Variants in TINAGL1 observed in about 807,000 individuals in gnomAD.
TINAGL1 encodes the protein tubulointerstitial nephritis antigen like 1.
Under a neutral mutation model 62.0 loss-of-function variants are expected in TINAGL1, and 34 were observed. That is an observed-to-expected ratio of 0.55 (90% confidence interval 0.42 to 0.73). The LOEUF (loss-of-function observed/expected upper bound fraction) is 0.73. Among genes scored for constraint, TINAGL1 ranks in the 30% least tolerant of loss-of-function variants. The pLI, the probability that TINAGL1 is intolerant of heterozygous loss-of-function variation, is 0.00. For missense variants in TINAGL1, 516 were observed against 653.2 expected (o/e 0.79, Z 2.29); for synonymous variants, 221 against 249.7 (o/e 0.88, Z 1.08).
chr1:31,586,503 A>T (rs971758011), intron 10 of TINAGL1: 1 of 628,042 alleles, frequency 1.6e-6, no homozygotes, highest in African/African-American at 1.8e-5. Flanking sequence ...TTGGTGCCCC[A>T]CCCCCTCCCA....
At chr1:31,578,234 G>A in intron 2 of TINAGL1, 6 of 853,610 alleles carry the variant, frequency 7.0e-6, no homozygotes, top group Non-Finnish European at 8.4e-6. Context: ...TTTAATTTCA[G>A]TGAGAGCTGG....
chr1:31,585,845 C>G lies in TINAGL1; in HGVS notation c.1186C>G (p.Arg396Gly). 6.2e-7 allele frequency: 1 copy of G among 1,604,942 alleles called. No homozygotes were observed. The highest frequency in any genetic ancestry group is 8.5e-7 in the Non-Finnish European group (1 of 1,175,410). The change falls in exon 10 of 12, where the codon CGG (arginine) becomes GGG (glycine). Residue 396 changes from arginine (R) to glycine (G), a missense_variant. By Grantham distance (125) the Arg-to-Gly change is moderately radical. Transcript: ENST00000271064. This position sits in a 1 kb window ranked among gnomAD's most constrained non-coding sequence, Gnocchi z 4.3. ...VSLGRPERYR[R>G]HGTHSVKITG... The stretch of plus-strand genomic sequence containing the variant: ...CCTTGGGAGGCCAGAGAGATACCGC[C>G]GGCATGGGACCCACTCAGTCAAGAT...
Position 31,583,410 on chromosome 1 carries a change from G to A in TINAGL1, c.468-51G>A, listed in dbSNP as rs759228532. The A allele has an allele frequency of 1.9e-6, 3 of 1,571,526 alleles. No individual in the cohort carries two copies. Among genetic ancestry groups the A allele is most frequent in the Non-Finnish European group, 1.7e-6 (2 of 1,150,088 alleles). On this transcript the variant is annotated intron_variant, in intron 4 of 11. Coordinates refer to ENST00000271064, the MANE Select transcript of TINAGL1 (RefSeq NM_022164.3). This position sits in a 1 kb window ranked among gnomAD's most constrained non-coding sequence, Gnocchi z 4.4. ...CCCACCCACATGCACCCACGCCAAG[G>A]ACCCTGAGCCTCGGCAGATCTGTGA...
rs1054849400 is a variant in TINAGL1, at chr1:31,583,466, A to C, written c.473A>C (p.Gln158Pro). 1 of 1,613,594 alleles carries C rather than the reference A, an allele frequency of 6.2e-7. No homozygotes were observed. The highest frequency in any genetic ancestry group is 8.5e-7 in the Non-Finnish European group (1 of 1,179,802). ...TTCCGTCCCCTCTCCTTCAGCTGGCAGGCTGGGAACCACAGCGCCTTCTGG... is the reference window on the plus strand; with the variant it reads ...TTCCGTCCCCTCTCCTTCAGCTGGCCGGCTGGGAACCACAGCGCCTTCTGG... ...KAINQGNYGW[Q>P]AGNHSAFWGM... Residue 158 changes from glutamine (Q) to proline (P), a missense_variant, in exon 5 of 12, where the codon CAG becomes CCG. Transcript: ENST00000271064. The surrounding 1 kb of genome is among the most constrained non-coding windows in gnomAD (Gnocchi z 4.4).
At position 31,577,585 on chromosome 1, in the gene TINAGL1, C is replaced by T. The variant is rs1413607244; in HGVS notation, c.310+127C>T. Reference sequence around the variant, plus strand: ...GCTCTGTAGAATCTGGGACTCTTCCCTGCCCCTCTGGGAACTTTACTCTCC... The same window carrying T: ...GCTCTGTAGAATCTGGGACTCTTCCTTGCCCCTCTGGGAACTTTACTCTCC... On this transcript the variant is annotated intron_variant, in intron 2 of 11. Coordinates refer to ENST00000271064, the MANE Select transcript of TINAGL1 (RefSeq NM_022164.3). The surrounding 1 kb of genome is among the most constrained non-coding windows in gnomAD (Gnocchi z 5.4). 9.5e-7 allele frequency: 1 copy of T among 1,053,738 alleles called. No individual in the cohort carries two copies. The highest frequency in any genetic ancestry group is 1.4e-6 in the Non-Finnish European group (1 of 737,688). 65.3% of individuals were successfully genotyped at this position (1,053,738 alleles called of 1,614,324 possible). A position where few individuals can be genotyped will look rare whatever the true frequency, so the allele number is the denominator to read the frequency against.
chr1:31,586,045 T>G, intron 10 of TINAGL1, 169 bp downstream of exon 10: 1 of 993,378 alleles, frequency 1.0e-6, no homozygotes, highest in Non-Finnish European at 1.4e-6. Context: ...CTGGGTCGAA[T>G]TGAAGGTTGG....
intron 10 of TINAGL1, chr1:31,586,505 C>T (rs1339430768): frequency 1.4e-5 from 9 of 631,604 alleles, no homozygotes; most frequent in African/African-American, 5.5e-5. Flanking sequence ...GGTGCCCCAC[C>T]CCCTCCCATG....
rs1263461579 is a variant in TINAGL1, at chr1:31,580,211, C to G, written c.374+944C>G. 350 of 567,550 alleles carry G rather than the reference C, an allele frequency of 6.2e-4. 5 individuals are homozygous for G. Among genetic ancestry groups the G allele is most frequent in the Admixed American group, 2.7e-3 (27 of 9,858 alleles). The allele number at this position is 567,550 out of a possible 1,614,324, so 35.2% of individuals were successfully genotyped here. ...TCTCTCTCTCTCTCTCTCTCTCTCTCTGTCTCTCTCTCTCTGTCTCTCTCT... is the reference window on the plus strand; with the variant it reads ...TCTCTCTCTCTCTCTCTCTCTCTCTGTGTCTCTCTCTCTCTGTCTCTCTCT... On this transcript the variant is annotated intron_variant, in intron 3 of 11. Transcript: ENST00000271064.
rs959537354 is a variant in TINAGL1, at chr1:31,577,735, T to G, written c.310+277T>G. The G allele has an allele frequency of 3.0e-5, 14 of 473,534 alleles. No homozygotes were observed. In the Admixed American group the frequency reaches 5.1e-4, roughly 17 times the overall value. 29.3% of individuals were successfully genotyped at this position (473,534 alleles called of 1,614,324 possible). A position where few individuals can be genotyped will look rare whatever the true frequency, so the allele number is the denominator to read the frequency against. ...GAAGGTGCTGGCCGCACCTGCTGACTCACTCTTGGGCTGATAAGGCACATA... is the reference window on the plus strand; with the variant it reads ...GAAGGTGCTGGCCGCACCTGCTGACGCACTCTTGGGCTGATAAGGCACATA... On this transcript the variant is annotated intron_variant, in intron 2 of 11. Coordinates refer to ENST00000271064, the MANE Select transcript of TINAGL1 (RefSeq NM_022164.3). The surrounding 1 kb of genome is among the most constrained non-coding windows in gnomAD (Gnocchi z 5.4).
rs1639415441 is a variant in TINAGL1 at position 31,587,032 on chromosome 1, G to A, written c.*53G>A. 13 of 1,400,294 alleles carry A rather than the reference G, an allele frequency of 9.3e-6. No individual in the cohort carries two copies. In the South Asian group the frequency reaches 2.1e-4, roughly 23 times the overall value. 86.7% of individuals were successfully genotyped at this position (1,400,294 alleles called of 1,614,324 possible). A position where few individuals can be genotyped will look rare whatever the true frequency, so the allele number is the denominator to read the frequency against. On this transcript the variant is annotated 3_prime_UTR_variant, in exon 12 of 12. Transcript: ENST00000271064. ...CTGGGATCCAGGCTAAGGGCCGGCG[G>A]AAGAGGCCCCAATGGGGCGGTGACC...
At position 31,585,432 on chromosome 1, in the gene TINAGL1, C is replaced by T. The variant is rs754295694; in HGVS notation, c.1048-8C>T. On this transcript the variant is annotated splice_region_variant and splice_polypyrimidine_tract_variant and intron_variant, in intron 8 of 11. Transcript: ENST00000271064. The surrounding 1 kb of genome is among the most constrained non-coding windows in gnomAD (Gnocchi z 4.3). The stretch of plus-strand genomic sequence containing the variant: ...ACGTATGCTCTCTGTCCATCCCCTG[C>T]CCTCCAGGACAAGGAGATCATGAAG... 4.3e-6 allele frequency: 7 copies of T among 1,613,948 alleles called. No individual in the cohort carries two copies. Among genetic ancestry groups the T allele is most frequent in the Non-Finnish European group, 5.9e-6 (7 of 1,179,966 alleles).
intron 3 of TINAGL1, chr1:31,580,353 G>T: frequency 4.7e-6 from 6 of 1,286,866 alleles, no homozygotes; most frequent in Non-Finnish European, 6.1e-6. Context: ...GCAGCCCTGG[G>T]GGCAAAGGAG....
Position 31,580,809 on chromosome 1 carries a change from C to A in TINAGL1, c.374+1542C>A. ...GGCACCTATTATTAAAGACCTACTG[C>A]GTGACAGGCACTATGCTGAGCTCAG... On this transcript the variant is annotated intron_variant, in intron 3 of 11. Coordinates refer to ENST00000271064, the MANE Select transcript of TINAGL1 (RefSeq NM_022164.3). The A allele has an allele frequency of 1.0e-5, 12 of 1,192,568 alleles. No individual in the cohort carries two copies. In the South Asian group the frequency reaches 1.7e-4, roughly 16 times the overall value. The allele number at this position is 1,192,568 out of a possible 1,614,324, so 73.9% of individuals were successfully genotyped here.
chr1:31,581,255 T>C (rs970367855), intron 3 of TINAGL1, among the ~76,000 whole-genome samples: 1 of 140,336 alleles, frequency 7.1e-6, no homozygotes, highest in African/African-American at 2.5e-5. Context: ...TTTACGTTCT[T>C]CAAAGATCTC....
chr1:31,580,507 G>A, intron 3 of TINAGL1: 2 of 1,289,284 alleles, frequency 1.6e-6, no homozygotes, highest in Non-Finnish European at 1.0e-6. Context: ...GGTGTGCAGA[G>A]GGGGAACAGC....
chr1:31,585,530 G>C lies in TINAGL1; in HGVS notation c.1093+45G>C, dbSNP rs373236803. ...ACCCTGGTTCCAGAAGCTTGTGCCT[G>C]CTTGAGAGTGGGCACAGTAGCACAA... On this transcript the variant is annotated intron_variant, in intron 9 of 11. Coordinates refer to ENST00000271064, the MANE Select transcript of TINAGL1 (RefSeq NM_022164.3). The surrounding 1 kb of genome is among the most constrained non-coding windows in gnomAD (Gnocchi z 4.3). 8.7e-6 allele frequency: 14 copies of C among 1,609,984 alleles called. No individual in the cohort carries two copies. The highest frequency in any genetic ancestry group is 3.3e-4 in the Middle Eastern group (2 of 6,040).
chr1:31,581,262 T>C (rs1639237227), intron 3 of TINAGL1, among the ~76,000 whole-genome samples: 2 of 146,538 alleles, frequency 1.4e-5, no homozygotes, highest in African/African-American at 2.5e-5. Flanking sequence ...TCTTCAAAGA[T>C]CTCTCTGGCT....
In TINAGL1 at chr1:31,583,685, G is replaced by C; in HGVS notation, c.582+110G>C. 1.1e-6 allele frequency: 1 copy of C among 917,750 alleles called. No individual in the cohort carries two copies. Among genetic ancestry groups the C allele is most frequent in the Non-Finnish European group, 1.7e-6 (1 of 595,630 alleles). 56.9% of individuals were successfully genotyped at this position (917,750 alleles called of 1,614,324 possible). On this transcript the variant is annotated intron_variant, in intron 5 of 11. Coordinates refer to ENST00000271064, the MANE Select transcript of TINAGL1 (RefSeq NM_022164.3). The surrounding 1 kb of genome is among the most constrained non-coding windows in gnomAD (Gnocchi z 4.4). ...GGGCCTGGACCATCCCCTACTACAA[G>C]GCTGTGTGTCCCTGGACAAGTTACT...
rs901240589 is a variant in TINAGL1 at position 31,586,507 on chromosome 1, C to T, written c.1218-203C>T. On this transcript the variant is annotated intron_variant, in intron 10 of 11. Transcript: ENST00000271064. The stretch of plus-strand genomic sequence containing the variant: ...CACTTGTCCCCTTGGTGCCCCACCC[C>T]CTCCCATGCTGGGCCTGGGTGCACC... 7.9e-6 allele frequency: 5 copies of T among 633,768 alleles called. No individual in the cohort carries two copies. In the African/African-American group the frequency reaches 9.1e-5, roughly 12 times the overall value. The allele number at this position is 633,768 out of a possible 1,614,324, so 39.3% of individuals were successfully genotyped here.
Sources: gnomAD v4.1 joint callset for allele counts (sites outside exome capture counted in the v4.1 genomes callset) on GRCh38, gnomAD v4.1.1 for gene constraint, Gnocchi (gnomAD v3.1) non-coding constraint, MANE v1.5 for transcripts, NCBI Gene and HGNC (gene_info 2026-07-23, HGNC 2026-07-21) for gene names.